Variants in PDE4D observed in about 807,000 individuals in gnomAD.
PDE4D encodes the protein 3',5'-cyclic-AMP phosphodiesterase 4D.
Under a neutral mutation model 87.4 loss-of-function variants are expected in PDE4D, and 24 were observed. The ratio of observed to expected loss-of-function variants is 0.27; its 90% CI spans 0.20 to 0.39. The LOEUF (loss-of-function observed/expected upper bound fraction) is 0.39, where lower values mean the gene tolerates loss of function less well. Ranked by LOEUF, PDE4D falls within the 10% of genes least tolerant of loss-of-function variation. The pLI is 1.00. For synonymous variants in PDE4D, 384 were observed against 383.2 expected (o/e 1.00, Z -0.02); for missense variants, 714 against 1,041.0 (o/e 0.69, Z 4.32).
At chr5:59,131,645 C>CAT (rs546340516) in intron 5 of PDE4D, among the ~76,000 whole-genome samples, 2,456 of 146,390 alleles carry the variant, frequency 0.017, 74 homozygotes, top group African/African-American at 0.025. Flanking sequence ...CACACACACA[C>CAT]ATTAATGAGA....
At chr5:59,404,275 T>G (rs892993359) in intron 1 of PDE4D, among the ~76,000 whole-genome samples, 12 of 152,202 alleles carry the variant, frequency 7.9e-5, no homozygotes, top group Admixed American at 2.6e-4. Context: ...GTTGACTGTT[T>G]CCTTTGCTAC....
Position 60,433,715 on chromosome 5 carries a change from T to A in PDE4D, c.-90+54227A>T, listed in dbSNP as rs116662547. 5.9e-3 allele frequency among the ~76,000 whole-genome samples: 895 copies of A among 152,320 alleles called. 15 individuals carry two copies. The highest frequency in any genetic ancestry group is 0.02 in the African/African-American group (834 of 41,574). On this transcript the variant is annotated intron_variant, in intron 1 of 16. Coordinates refer to the PDE4D transcript ENST00000502484. Reference sequence around the variant, plus strand: ...GACTGAATAAAGAAAATGTGGTACATATACATTATGGAATACTATGCAACC... The same window carrying A: ...GACTGAATAAAGAAAATGTGGTACAAATACATTATGGAATACTATGCAACC...
chr5:60,464,535 G>A (rs1747197000), intron 1 of PDE4D, among the ~76,000 whole-genome samples: 1 of 152,138 alleles, frequency 6.6e-6, no homozygotes, highest in Non-Finnish European at 1.5e-5. Flanking sequence ...TTGAAGTTCA[G>A]CGATACTCAG....
intron 1 of PDE4D, among the ~76,000 whole-genome samples, chr5:59,287,510 C>T (rs1767198237): frequency 6.6e-6 from 1 of 152,102 alleles, no homozygotes. Context: ...GGGAAGGATA[C>T]AAGCCTGGCT....
chr5:59,644,940 A>C (rs1000650642), intron 1 of PDE4D, among the ~76,000 whole-genome samples: 4 of 152,196 alleles, frequency 2.6e-5, no homozygotes, highest in Non-Finnish European at 4.4e-5. Flanking sequence ...AAACAAATGA[A>C]CATTTAAAGC....
chr5:59,255,027 G>A (rs753289156), intron 1 of PDE4D, among the ~76,000 whole-genome samples: 24 of 152,060 alleles, frequency 1.6e-4, no homozygotes, highest in Non-Finnish European at 3.4e-4. Context: ...TAAACTTAGA[G>A]CTACCATTTG....
At chr5:59,251,018 C>CA (rs1324520384) in intron 1 of PDE4D, among the ~76,000 whole-genome samples, 25 of 152,078 alleles carry the variant, frequency 1.6e-4, no homozygotes, top group African/African-American at 5.3e-4. Flanking sequence ...ACCATACACA[C>CA]AAAAAAATTC....
chr5:59,430,287 C>A (rs1795916314), intron 1 of PDE4D: 1 of 1,231,150 alleles, frequency 8.1e-7, no homozygotes, highest in Non-Finnish European at 1.0e-6. Flanking sequence ...GAAAGGAAAG[C>A]AGTTACCGTC....
chr5:59,876,484 C>CT (rs1236247528), intron 1 of PDE4D, among the ~76,000 whole-genome samples: 1 of 152,106 alleles, frequency 6.6e-6, no homozygotes, highest in Non-Finnish European at 1.5e-5. Flanking sequence ...ATCCACCTGC[C>CT]TTTTTCTAAT....
At chr5:60,027,383 T>C (rs759268401) in intron 2 of PDE4D, among the ~76,000 whole-genome samples, 2 of 152,226 alleles carry the variant, frequency 1.3e-5, no homozygotes, top group African/African-American at 2.4e-5. Flanking sequence ...GCTACATCCA[T>C]GTTGCTGAAA....
Position 59,402,452 on chromosome 5 carries a change from C to T in PDE4D, c.456-186484G>A, listed in dbSNP as rs375037091. Among the ~76,000 whole-genome samples the T allele has an allele frequency of 1.3e-3, 198 of 152,230 alleles. 2 individuals are homozygous for T. The highest frequency in any genetic ancestry group is 4.5e-3 in the African/African-American group (186 of 41,532). On this transcript the variant is annotated intron_variant, in intron 1 of 14. Transcript: ENST00000340635. ...AGGTGTACATGTCTCCTCTCCCGAA[C>T]GGTCAGGGGTAGCCAGTCACACTTC...
chr5:59,174,733 C>A (rs557347411), intron 5 of PDE4D, among the ~76,000 whole-genome samples: 69 of 152,178 alleles, frequency 4.5e-4, no homozygotes, highest in Non-Finnish European at 9.3e-4. Context: ...GGTATAAAGG[C>A]CACCCGAATC....
intron 1 of PDE4D, among the ~76,000 whole-genome samples, chr5:60,389,355 G>T (rs1316984814): frequency 6.6e-6 from 1 of 151,898 alleles, no homozygotes; most frequent in Non-Finnish European, 1.5e-5. Context: ...TCGAAGGAGA[G>T]AATAAAAAAA....
intron 1 of PDE4D, among the ~76,000 whole-genome samples, chr5:59,552,132 T>C (rs1818223768): frequency 6.6e-6 from 1 of 152,144 alleles, no homozygotes; most frequent in African/African-American, 2.4e-5. Flanking sequence ...AGCAGAAGAA[T>C]TGCTTGAGCC....
chr5:59,930,186 A>AT (rs1755761805), intron 3 of PDE4D, among the ~76,000 whole-genome samples: 1 of 144,220 alleles, frequency 6.9e-6, no homozygotes, highest in Non-Finnish European at 1.5e-5. Context: ...AAAAAAAAAA[A>AT]CCGGCCCCAT....
intron 5 of PDE4D, among the ~76,000 whole-genome samples, chr5:59,101,221 G>A (rs1770682343): frequency 1.3e-5 from 2 of 152,100 alleles, no homozygotes; most frequent in Admixed American, 6.5e-5. Context: ...ATTCTCTCCC[G>A]ACAATACACC....
chr5:59,962,181 A>C lies in PDE4D; in HGVS notation c.272+26307T>G, dbSNP rs796724493. ...AAATTATTCAGATATCAGACAGTAC[A>C]TTGTAACAATTTTTTTCCAGATCAT... On this transcript the variant is annotated intron_variant, in intron 3 of 16. Transcript: ENST00000502484. 2.7e-4 allele frequency among the ~76,000 whole-genome samples: 41 copies of C among 152,312 alleles called. 1 individual carries two copies. Among genetic ancestry groups the C allele is most frequent in the African/African-American group, 9.1e-4 (38 of 41,570 alleles).
At chr5:60,501,994 C>T (rs1190297967) in intron 1 of PDE4D, among the ~76,000 whole-genome samples, 1 of 152,088 alleles carries the variant, frequency 6.6e-6, no homozygotes, top group African/African-American at 2.4e-5. Context: ...TGTGCAGAAG[C>T]TCTTTAGTTT....
At chr5:60,117,417 A>G (rs549923411) in intron 2 of PDE4D, among the ~76,000 whole-genome samples, 4 of 152,158 alleles carry the variant, frequency 2.6e-5, no homozygotes, top group African/African-American at 9.6e-5. Context: ...TAAAGTTTTC[A>G]CTTTCTTTTC....
Sources: allele counts gnomAD v4.1 joint callset (sites outside exome capture counted in the v4.1 genomes callset), GRCh38; gene constraint gnomAD v4.1.1; transcripts MANE v1.5; gene names NCBI Gene and HGNC (gene_info 2026-07-23, HGNC 2026-07-21).